LRRC1: variants seen among roughly 807,000 people sequenced by gnomAD.
LRRC1 encodes leucine rich repeat containing 1.
LRRC1 carries 28 observed loss-of-function variants against 69.9 expected under a neutral mutation model. The ratio of observed to expected loss-of-function variants is 0.40; its 90% CI spans 0.30 to 0.55. The LOEUF is 0.55. LRRC1 is among the 20% of genes least tolerant of loss of function. The probability of loss-of-function intolerance (pLI) is 0.47; values close to 1 mark genes in which losing one functional copy is unlikely to be tolerated. For missense variants in LRRC1, 498 were observed against 609.0 expected (o/e 0.82, Z 1.92); for synonymous variants, 236 against 240.2 (o/e 0.98, Z 0.16).
chr6:53,873,526 C>G (rs1433050051), intron 2 of LRRC1, among the ~76,000 whole-genome samples: 2 of 149,872 alleles, frequency 1.3e-5, no homozygotes, highest in African/African-American at 4.9e-5. Flanking sequence ...GTTTTGATCT[C>G]CTGACCCCGT....
intron 1 of LRRC1, among the ~76,000 whole-genome samples, chr6:53,821,361 T>G (rs1301333596): frequency 6.6e-6 from 1 of 152,256 alleles, no homozygotes; most frequent in Non-Finnish European, 1.5e-5. Context: ...GGTTATATTT[T>G]ATTACTTCAC....
intron 1 of LRRC1, among the ~76,000 whole-genome samples, chr6:53,815,957 G>A (rs1366480054): frequency 1.3e-5 from 2 of 152,188 alleles, no homozygotes; most frequent in Non-Finnish European, 2.9e-5. Flanking sequence ...GGTTTAACGA[G>A]TACCCAAGCA....
Position 53,806,242 on chromosome 6 carries a change from A to G in LRRC1, c.159+10827A>G, listed in dbSNP as rs922336493. On this transcript the variant is annotated intron_variant, in intron 1 of 13. Coordinates refer to ENST00000370888, the MANE Select transcript of LRRC1 (RefSeq NM_018214.5). ...TTAAAGCTACACATCTTTTCTTTGC[A>G]TTCCTGCTGCTTATTAATAGGGTGG... is the stretch of plus-strand genomic sequence containing the variant. 2.0e-5 allele frequency among the ~76,000 whole-genome samples: 3 copies of G among 152,100 alleles called. No homozygotes were observed. The South Asian group carries it at 6.2e-4, about 32-fold the overall frequency.
intron 8 of LRRC1, among the ~76,000 whole-genome samples, chr6:53,900,537 G>T (rs1768027438): frequency 6.6e-6 from 1 of 152,056 alleles, no homozygotes; most frequent in Non-Finnish European, 1.5e-5. Context: ...TGTATTTAAG[G>T]CATATGAGCA....
At chr6:53,920,423 G>T in intron 12 of LRRC1, 1 of 517,788 alleles carries the variant, frequency 1.9e-6, no homozygotes, top group Non-Finnish European at 3.4e-6. Flanking sequence ...GGGCAACCTT[G>T]TCCCAGGCCT....
chr6:53,852,832 G>A (rs562641688), intron 2 of LRRC1, among the ~76,000 whole-genome samples: 1 of 152,326 alleles, frequency 6.6e-6, no homozygotes, highest in South Asian at 2.1e-4. Context: ...TCAACCACCT[G>A]TAGAAATGGC....
chr6:53,840,158 C>T (rs904079187), intron 1 of LRRC1, among the ~76,000 whole-genome samples: 1 of 152,064 alleles, frequency 6.6e-6, no homozygotes, highest in African/African-American at 2.4e-5. Context: ...TTGATGGAGT[C>T]CTGAGAAAGG....
At chr6:53,854,623 A>G (rs970936696) in intron 2 of LRRC1, among the ~76,000 whole-genome samples, 2 of 152,338 alleles carry the variant, frequency 1.3e-5, no homozygotes, top group South Asian at 4.1e-4. Context: ...TGTGTGACTC[A>G]TGAGTAGTGA....
chr6:53,919,466 GTC>G, intron 11 of LRRC1, 30 bp from the exon 12 acceptor site: 3 of 1,361,164 alleles, frequency 2.2e-6, no homozygotes, highest in Non-Finnish European at 2.9e-6. Flanking sequence ...AGGTTGTGAT[GTC>G]TCTTTTTTTA....
At chr6:53,883,337 G>T (rs1767363058) in intron 4 of LRRC1, among the ~76,000 whole-genome samples, 1 of 152,156 alleles carries the variant, frequency 6.6e-6, no homozygotes, top group Non-Finnish European at 1.5e-5. Flanking sequence ...AAACCATGCT[G>T]GAGAGCCAAC....
intron 13 of LRRC1, among the ~76,000 whole-genome samples, chr6:53,921,168 A>G (rs1396920391): frequency 6.6e-6 from 1 of 151,904 alleles, no homozygotes; most frequent in Non-Finnish European, 1.5e-5. Flanking sequence ...ACGTTTCACC[A>G]TGTTGTCCAG....
chr6:53,841,988 G>A (rs1765803620), intron 1 of LRRC1, 122 bp from the exon 2 acceptor site: 1 of 608,988 alleles, frequency 1.6e-6, no homozygotes, highest in South Asian at 2.2e-5. Flanking sequence ...TCAAAGTTAG[G>A]AAATTGATGT....
chr6:53,796,332 G>A (rs1272778281), intron 1 of LRRC1, among the ~76,000 whole-genome samples: 1 of 152,192 alleles, frequency 6.6e-6, no homozygotes, highest in Non-Finnish European at 1.5e-5. Context: ...GCTTGCCTCG[G>A]GAACTTAGCT....
At chr6:53,918,369 A>C (rs1375144201) in intron 11 of LRRC1, among the ~76,000 whole-genome samples, 1 of 152,254 alleles carries the variant, frequency 6.6e-6, no homozygotes, top group African/African-American at 2.4e-5. Flanking sequence ...TTTGAAACTA[A>C]CACAGAAATC....
Position 53,842,167 on chromosome 6 carries a change from C to T in LRRC1, c.217C>T (p.Arg73Trp), listed in dbSNP as rs769647674. The part of the protein sequence containing the change: ...KLGLSDNEIQ[R>W]LPPEIANFMQ... ...TGGACTTAGTGATAATGAAATTCAG[C>T]GGCTCCCTCCAGAAATAGCAAACTT... Residue 73 changes from arginine to tryptophan, a missense_variant, in exon 2 of 14, where the codon CGG becomes TGG. Arg to Trp is a moderately radical substitution (Grantham distance 101, BLOSUM62 -3). Around this residue, in one of 3 missense-constraint regions of LRRC1, gnomAD observed 266 missense variants for 383.9 expected, o/e 0.69. Transcript: ENST00000370888. The T allele has an allele frequency of 4.5e-5, 72 of 1,613,840 alleles. No individual in the cohort carries two copies. Among genetic ancestry groups the T allele is most frequent in the Middle Eastern group, 1.7e-4 (1 of 6,060 alleles).
chr6:53,832,640 C>T (rs2127412995), intron 1 of LRRC1, among the ~76,000 whole-genome samples: 1 of 152,168 alleles, frequency 6.6e-6, no homozygotes, highest in Non-Finnish European at 1.5e-5. Flanking sequence ...ATTATATCCC[C>T]CTCTTTTCAA....
At chr6:53,850,469 A>G (rs1766089837) in intron 2 of LRRC1, among the ~76,000 whole-genome samples, 1 of 152,202 alleles carries the variant, frequency 6.6e-6, no homozygotes, top group Admixed American at 6.5e-5. Context: ...AAAAATGCAG[A>G]TATCTGAGTG....
chr6:53,922,979 G>C lies in LRRC1; in HGVS notation c.*186G>C. 1.9e-6 allele frequency: 1 copy of C among 513,768 alleles called. No homozygotes were observed. The highest frequency in any genetic ancestry group is 3.4e-6 in the Non-Finnish European group (1 of 291,436). 31.8% of individuals were successfully genotyped at this position (513,768 alleles called of 1,614,324 possible). Reference sequence around the variant, plus strand: ...CATCCCGCAACCAGTCAGCGCACCAGTGGTCTCCCGGTGTGATTTTTTTTT... The same window carrying C: ...CATCCCGCAACCAGTCAGCGCACCACTGGTCTCCCGGTGTGATTTTTTTTT... On this transcript the variant is annotated 3_prime_UTR_variant, in exon 14 of 14. Coordinates refer to ENST00000370888, the MANE Select transcript of LRRC1 (RefSeq NM_018214.5).
At chr6:53,899,975 C>T in intron 8 of LRRC1, 84 bp downstream of exon 8, 3 of 1,259,954 alleles carry the variant, frequency 2.4e-6, no homozygotes, top group Non-Finnish European at 2.2e-6. Context: ...CCTTTGGTCA[C>T]CACTTTCAGA....
Sources: allele counts gnomAD v4.1 joint callset (sites outside exome capture counted in the v4.1 genomes callset), GRCh38; gene constraint gnomAD v4.1.1; regional missense constraint gnomAD v4.1.1; transcripts MANE v1.5; gene names NCBI Gene and HGNC (gene_info 2026-07-23, HGNC 2026-07-21).